Variants in TAF1A observed in about 807,000 individuals in gnomAD.
TAF1A encodes TATA box-binding protein-associated factor RNA polymerase I subunit A.
TAF1A carries 42 observed loss-of-function variants against 61.6 expected under a neutral mutation model. The observed-to-expected ratio is 0.68, with a 90% CI of 0.53 to 0.88. The LOEUF is 0.88. Among genes scored for constraint, TAF1A ranks in the 40% least tolerant of loss-of-function variants. TAF1A has a pLI of 0.00. For missense variants in TAF1A, 424 were observed against 518.7 expected, an observed-to-expected ratio of 0.82 and a Z score of 1.77; for synonymous variants, 179 against 177.7, an observed-to-expected ratio of 1.01 and a Z score of -0.06.
chr1:222,571,145 C>T (rs998204697), intron 5 of TAF1A, among the ~76,000 whole-genome samples: 2 of 152,076 alleles, frequency 1.3e-5, no homozygotes, highest in Non-Finnish European at 2.9e-5. Context: ...TCATGATCAT[C>T]ACAATAGACA....
intron 3 of TAF1A, among the ~76,000 whole-genome samples, chr1:222,583,642 G>A (rs960395120): frequency 2.6e-5 from 4 of 151,926 alleles, no homozygotes; most frequent in East Asian, 1.9e-4. Context: ...GATTGAGACC[G>A]TCCTGGCCAA....
At chr1:222,584,612 GCA>G (rs1241328041) in intron 2 of TAF1A, among the ~76,000 whole-genome samples, 1 of 152,082 alleles carries the variant, frequency 6.6e-6, no homozygotes, top group East Asian at 1.9e-4. Context: ...GCCCCCAAAA[GCA>G]CAGTCCCAGG....
At chr1:222,578,193 G>A (rs1446531050) in intron 4 of TAF1A, among the ~76,000 whole-genome samples, 2 of 152,168 alleles carry the variant, frequency 1.3e-5, no homozygotes, top group Admixed American at 1.3e-4. Flanking sequence ...CCCTGATACA[G>A]GAGAAGCAGG....
chr1:222,569,647 G>T lies in TAF1A; in HGVS notation c.757C>A (p.Arg253=), dbSNP rs146366000. The T allele has an allele frequency of 6.2e-7, 1 of 1,613,050 alleles. No individual in the cohort carries two copies. The highest frequency in any genetic ancestry group is 1.1e-5 in the South Asian group (1 of 90,850). The change falls in exon 7 of 11, where the codon CGA becomes AGA. Residue 253 remains arginine (R), a synonymous_variant. Transcript: ENST00000352967. ...GTGAGTACCTCTTGGGCTCCATCTC[G>T]ATCCCCATAGAATTCCAGCATCTAT... ...YVEMLEFYGD[R]DGAQEVLTNY...
chr1:222,586,276 G>A (rs1661013107), intron 2 of TAF1A, among the ~76,000 whole-genome samples: 1 of 152,196 alleles, frequency 6.6e-6, no homozygotes, highest in Non-Finnish European at 1.5e-5. Context: ...AGCTAGCCTA[G>A]GAAACTGACA....
intron 10 of TAF1A, among the ~76,000 whole-genome samples, chr1:222,561,080 G>A (rs1210293609): frequency 6.6e-6 from 1 of 152,040 alleles, no homozygotes; most frequent in Non-Finnish European, 1.5e-5. Flanking sequence ...ATAAAACAAG[G>A]CCAAATGGTC....
chr1:222,584,440 C>A, intron 2 of TAF1A, 143 bp from the exon 3 acceptor site: 1 of 633,336 alleles, frequency 1.6e-6, no homozygotes, highest in East Asian at 3.0e-5. Flanking sequence ...AAGCCAGCTT[C>A]ACTTGAAACA....
rs749223679 is a variant in TAF1A, at chr1:222,558,512, T to C, written c.*148A>G. ...AAGGCAGTAATATTGTTTCTCTAGC[T>C]ATAAATAATACAAAAATATAAAAAT... On this transcript the variant is annotated 3_prime_UTR_variant, in exon 11 of 11. Coordinates refer to ENST00000352967, the MANE Select transcript of TAF1A (RefSeq NM_005681.4). 26 of 317,706 alleles carry C rather than the reference T, an allele frequency of 8.2e-5. No individual in the cohort carries two copies. Among genetic ancestry groups the C allele is most frequent in the Admixed American group, 1.4e-4 (3 of 20,924 alleles). 19.7% of individuals were successfully genotyped at this position (317,706 alleles called of 1,614,324 possible). A position where few individuals can be genotyped will look rare whatever the true frequency, so the allele number is the denominator to read the frequency against.
chr1:222,561,612 C>A, intron 9 of TAF1A, 94 bp from the exon 10 acceptor site: 1 of 1,248,878 alleles, frequency 8.0e-7, no homozygotes, highest in South Asian at 1.8e-5. Context: ...AGAAAGATGA[C>A]AAGGAAGATG....
chr1:222,567,481 T>C (rs1390018056), intron 7 of TAF1A, among the ~76,000 whole-genome samples: 1 of 152,168 alleles, frequency 6.6e-6, no homozygotes, highest in Non-Finnish European at 1.5e-5. Context: ...TTCCCACAAT[T>C]TAAAATGTTA....
chr1:222,558,902 A>T, intron 10 of TAF1A, 130 bp from the exon 11 acceptor site: 1 of 466,330 alleles, frequency 2.1e-6, no homozygotes, highest in Non-Finnish European at 3.9e-6. Context: ...TGTATTATCA[A>T]TATGTCCTAA....
Position 222,569,511 on chromosome 1 carries a change from T to G in TAF1A, c.893A>C (p.Lys298Thr). ...APRSKLISVL[K>T]ILYQIVPSHK... ...AACATCGAGATAAAAATTCTATACC[T>G]TAAGCACACTTATCAATTTTGATCT... The change falls in exon 7 of 11, where the codon AAG becomes ACG. Residue 298 changes from lysine to threonine, a missense_variant and splice_region_variant. Transcript: ENST00000352967. 1 of 1,613,882 alleles carries G rather than the reference T, an allele frequency of 6.2e-7. No individual in the cohort carries two copies. The highest frequency in any genetic ancestry group is 8.5e-7 in the Non-Finnish European group (1 of 1,179,898).
downstream of TAF1A, chr1:222,557,925 C>A (rs1659768132): frequency 6.6e-6 from 1 of 150,388 alleles, no homozygotes; most frequent in Non-Finnish European, 1.5e-5. Context: ...GTTCTGTCGC[C>A]CAGGCAGGAG....
chr1:222,584,882 A>C (rs1660950303), intron 2 of TAF1A, among the ~76,000 whole-genome samples: 1 of 152,234 alleles, frequency 6.6e-6, no homozygotes. Flanking sequence ...ACATTGCTAC[A>C]TCTTCTTATC....
intron 7 of TAF1A, 65 bp downstream of exon 7, chr1:222,569,444 AT>A (rs776606541): frequency 4.3e-5 from 69 of 1,612,764 alleles, no homozygotes; most frequent in Non-Finnish European, 5.6e-5. Context: ...TTAGAAAGCA[AT>A]GGCCTAAGAA....
chr1:222,568,439 C>T (rs969138747), intron 7 of TAF1A, among the ~76,000 whole-genome samples: 4 of 151,578 alleles, frequency 2.6e-5, no homozygotes, highest in African/African-American at 9.7e-5. Context: ...GACAATTGAT[C>T]CCCCCAAAAA....
At chr1:222,583,426 G>GAAAAAAAAAA (rs71175170) in intron 3 of TAF1A, among the ~76,000 whole-genome samples, 1 of 148,748 alleles carries the variant, frequency 6.7e-6, no homozygotes. Context: ...TTGATAAAAC[G>GAAAAAAAAAA]AAAAAAAAAA....
chr1:222,564,360 G>A (rs1333203738), intron 7 of TAF1A, among the ~76,000 whole-genome samples: 1 of 144,964 alleles, frequency 6.9e-6, no homozygotes, highest in African/African-American at 2.5e-5. Flanking sequence ...AAATAGTCAG[G>A]AGAAGTGAGG....
Position 222,563,085 on chromosome 1 carries a change from A to G in TAF1A, c.1085+88T>C, listed in dbSNP as rs533711687. The G allele has an allele frequency of 3.0e-4, 378 of 1,265,118 alleles. 1 individual carries two copies. The highest frequency in any genetic ancestry group is 3.9e-4 in the Non-Finnish European group (352 of 909,596). 78.4% of individuals were successfully genotyped at this position (1,265,118 alleles called of 1,614,324 possible). On this transcript the variant is annotated intron_variant, in intron 9 of 10. Transcript: ENST00000352967. Reference sequence around the variant, plus strand: ...ACAATTCAAGAAATTATAAAACATAAGCAAAGATCTTTAAAAATTGATATT... The same window carrying G: ...ACAATTCAAGAAATTATAAAACATAGGCAAAGATCTTTAAAAATTGATATT...
Sources: gnomAD v4.1 joint callset for allele counts (sites outside exome capture counted in the v4.1 genomes callset) on GRCh38, gnomAD v4.1.1 for gene constraint, MANE v1.5 for transcripts, NCBI Gene and HGNC (gene_info 2026-07-23, HGNC 2026-07-21) for gene names.